Variants in PAK5 observed in about 807,000 individuals in gnomAD.
The protein encoded by PAK5 is p21 (RAC1) activated kinase 5.
Under a neutral mutation model 65.9 loss-of-function variants are expected in PAK5, and 16 were observed. The ratio of observed to expected loss-of-function variants is 0.24; its 90% CI spans 0.16 to 0.37. The LOEUF is 0.37. Ranked by LOEUF, PAK5 falls within the 10% of genes least tolerant of loss-of-function variation. PAK5 has a pLI of 1.00. For synonymous variants in PAK5, 371 were observed against 354.9 expected, an observed-to-expected ratio of 1.05 and a Z score of -0.51; for missense variants, 785 against 903.9, an observed-to-expected ratio of 0.87 and a Z score of 1.69.
intron 2 of PAK5, among the ~76,000 whole-genome samples, chr20:9,647,215 A>G (rs1217872333): frequency 1.3e-5 from 2 of 152,214 alleles, no homozygotes; most frequent in African/African-American, 4.8e-5. Flanking sequence ...TGATATTACT[A>G]TCTGGTTGAA....
At chr20:9,561,864 T>G (rs1381798177) in intron 6 of PAK5, among the ~76,000 whole-genome samples, 2 of 152,240 alleles carry the variant, frequency 1.3e-5, no homozygotes, top group African/African-American at 4.8e-5. Flanking sequence ...CCACAGAACC[T>G]TGCTTCTCCA....
intron 1 of PAK5, among the ~76,000 whole-genome samples, chr20:9,812,729 A>C (rs1257541974): frequency 1.3e-5 from 2 of 152,230 alleles, no homozygotes; most frequent in Non-Finnish European, 2.9e-5. Context: ...GTTAGAAGGA[A>C]TAAGATCTAA....
intron 9 of PAK5, among the ~76,000 whole-genome samples, chr20:9,541,325 T>C (rs2045259508): frequency 6.6e-6 from 1 of 152,180 alleles, no homozygotes; most frequent in South Asian, 2.1e-4. Context: ...TTTGGAAATC[T>C]GGCAGCTCCT....
At chr20:9,758,518 C>G (rs984857) in intron 1 of PAK5, among the ~76,000 whole-genome samples, 112,266 of 152,088 alleles carry the variant, frequency 0.74, 41,681 homozygotes, top group East Asian at 0.89. Flanking sequence ...GAGTACTTTG[C>G]ATAGTGGTAT....
chr20:9,717,276 C>A (rs532388747), intron 1 of PAK5, among the ~76,000 whole-genome samples: 26 of 152,226 alleles, frequency 1.7e-4, no homozygotes, highest in Admixed American at 7.8e-4. Context: ...CTGGCTCCAC[C>A]TTTTACTAGC....
intron 1 of PAK5, among the ~76,000 whole-genome samples, chr20:9,785,035 A>G (rs1199837476): frequency 6.6e-6 from 1 of 151,988 alleles, no homozygotes; most frequent in Non-Finnish European, 1.5e-5. Context: ...ATTCAATTCA[A>G]TTTTCAGTGT....
chr20:9,583,023 C>T (rs1042075935), intron 3 of PAK5, among the ~76,000 whole-genome samples: 2 of 152,074 alleles, frequency 1.3e-5, no homozygotes, highest in Non-Finnish European at 2.9e-5. Flanking sequence ...GCCCTTCCCC[C>T]CAAATCAGGC....
Position 9,838,238 on chromosome 20 carries a change from ACAC to A in PAK5, c.-162+521_-162+523del, listed in dbSNP as rs1209853195. On this transcript the variant is annotated intron_variant, in intron 1 of 9. Transcript: ENST00000353224. This position sits in a 1 kb window ranked among gnomAD's most constrained non-coding sequence, Gnocchi z 4.5. ...ACACACACACAAATAACAAAGGAAA[ACAC>A]AGCCTCATAAAGGCTCAGCTATTGC... 4.0e-5 allele frequency among the ~76,000 whole-genome samples: 6 copies of A among 151,628 alleles called. No homozygotes were observed. The highest frequency in any genetic ancestry group is 1.5e-4 in the African/African-American group (6 of 40,998).
In PAK5 at chr20:9,539,578, CCAA is replaced by C. The variant is rs1293956850; in HGVS notation, c.2041_2043del (p.Leu681del). The C allele has an allele frequency of 6.2e-7, 1 of 1,613,606 alleles. No individual in the cohort carries two copies. Among genetic ancestry groups the C allele is most frequent in the East Asian group, 2.2e-5 (1 of 44,864 alleles). Reference sequence around the variant, plus strand: ...GTTGCTCTCTGAGAGGGCTCCCTCACCAACATCAAGTCTAGGAATCCCCGGAGC... The same window carrying C: ...GTTGCTCTCTGAGAGGGCTCCCTCACCATCAAGTCTAGGAATCCCCGGAGC... On this transcript the variant is annotated inframe_deletion, in exon 10 of 10. Transcript: ENST00000353224.
chr20:9,662,740 G>A (rs6056788), intron 2 of PAK5, among the ~76,000 whole-genome samples: 8,188 of 152,148 alleles, frequency 0.054, 720 homozygotes, highest in African/African-American at 0.19. Flanking sequence ...GGGTCTAGTT[G>A]TTATAACAAT....
rs554730984 is a variant in PAK5, at chr20:9,568,137, C to T, written c.991-1753G>A. Among the ~76,000 whole-genome samples, 7 of 152,220 alleles carry T rather than the reference C, an allele frequency of 4.6e-5. No homozygotes were observed. The South Asian group carries it at 6.2e-4, about 14-fold the overall frequency. On this transcript the variant is annotated intron_variant, in intron 4 of 9. Transcript: ENST00000353224. ...TTGGCAAAGACGTTGGCTTTTGCTC[C>T]GAGTGAGGTGGGAAGCACTGGGGGT...
chr20:9,678,706 T>C (rs902735175), intron 2 of PAK5, among the ~76,000 whole-genome samples: 2 of 152,118 alleles, frequency 1.3e-5, no homozygotes, highest in African/African-American at 2.4e-5. Context: ...AAACATGTCC[T>C]TCTTCACATG....
chr20:9,649,080 A>G (rs1397182106), intron 2 of PAK5, among the ~76,000 whole-genome samples: 1 of 152,230 alleles, frequency 6.6e-6, no homozygotes, highest in Non-Finnish European at 1.5e-5. Context: ...AGAAAGTTAC[A>G]TAGGTTTAGA....
Position 9,641,894 on chromosome 20 carries a change from A to G in PAK5, c.204+2231T>C, listed in dbSNP as rs555613569. On this transcript the variant is annotated intron_variant, in intron 3 of 9. Coordinates refer to ENST00000353224, the MANE Select transcript of PAK5 (RefSeq NM_177990.4). Reference sequence around the variant, plus strand: ...GCTGGGTGCTCCGAGTGCGGGGCCCACCAAGCCCACGCCCACCCGGAACTC... The same window carrying G: ...GCTGGGTGCTCCGAGTGCGGGGCCCGCCAAGCCCACGCCCACCCGGAACTC... Among the ~76,000 whole-genome samples, 383 of 152,210 alleles carry G rather than the reference A, an allele frequency of 2.5e-3. 1 individual carries two copies. The highest frequency in any genetic ancestry group is 4.7e-3 in the Non-Finnish European group (318 of 68,000).
chr20:9,769,088 T>C (rs2048804690), intron 1 of PAK5, among the ~76,000 whole-genome samples: 1 of 152,194 alleles, frequency 6.6e-6, no homozygotes, highest in Non-Finnish European at 1.5e-5. Flanking sequence ...TTTAACACAG[T>C]GAGAACACAG....
intron 3 of PAK5, among the ~76,000 whole-genome samples, chr20:9,594,193 TCC>T (rs1285947510): frequency 1.3e-5 from 2 of 152,194 alleles, no homozygotes; most frequent in African/African-American, 4.8e-5. Flanking sequence ...CAAAGCTTGG[TCC>T]CTAGGCCAGC....
intron 1 of PAK5, among the ~76,000 whole-genome samples, chr20:9,762,123 T>G (rs1213069480): frequency 6.6e-6 from 1 of 152,100 alleles, no homozygotes; most frequent in Non-Finnish European, 1.5e-5. Context: ...TTAAAATGGA[T>G]TAAAGACTTA....
chr20:9,787,858 A>T, intron 1 of PAK5, among the ~76,000 whole-genome samples: 1 of 152,134 alleles, frequency 6.6e-6, no homozygotes, highest in East Asian at 1.9e-4. Flanking sequence ...ATAATGAGGA[A>T]GTGGTGACTT....
intron 1 of PAK5, among the ~76,000 whole-genome samples, chr20:9,794,839 C>T (rs537032935): frequency 5.9e-5 from 9 of 152,056 alleles, no homozygotes; most frequent in South Asian, 2.1e-4. Flanking sequence ...ATACATTCGA[C>T]GAAAGAAAAA....
Sources: allele counts gnomAD v4.1 joint callset (sites outside exome capture counted in the v4.1 genomes callset), GRCh38; gene constraint gnomAD v4.1.1; non-coding constraint Gnocchi (gnomAD v3.1); transcripts MANE v1.5; gene names NCBI Gene and HGNC (gene_info 2026-07-23, HGNC 2026-07-21).